The following BIRC7 variants were observed in gnomAD, a reference collection of about 807,000 sequenced individuals.
BIRC7 encodes baculoviral IAP repeat containing 7.
Under a neutral mutation model 33.2 loss-of-function variants are expected in BIRC7, and 26 were observed. The observed-to-expected ratio is 0.78, with a 90% CI of 0.57 to 1.09. The LOEUF is 1.09. BIRC7 is among the 50% of genes least tolerant of loss of function. The probability of loss-of-function intolerance (pLI) is 0.00; values close to 1 mark genes in which losing one functional copy is unlikely to be tolerated. For synonymous variants in BIRC7, 176 were observed against 171.0 expected (o/e 1.03, Z -0.23); for missense variants, 409 against 401.2 (o/e 1.02, Z -0.17).
In BIRC7 at chr20:63,238,389, T is replaced by C. The variant is rs1008135042; in HGVS notation, c.450-7T>C. On this transcript the variant is annotated splice_region_variant and splice_polypyrimidine_tract_variant and intron_variant, in intron 2 of 6. Coordinates refer to ENST00000217169, the MANE Select transcript of BIRC7 (RefSeq NM_139317.3). ...AACCCCAACCTACATCTCTGGGGCA[T>C]CTGCAGCTGTCAGTTCCTGCTCCGG... The C allele has an allele frequency of 1.9e-6, 3 of 1,611,498 alleles. No homozygotes were observed. In the African/African-American group the frequency reaches 4.0e-5, roughly 21 times the overall value.
intron 1 of BIRC7, among the ~76,000 whole-genome samples, chr20:63,236,654 A>T (rs2066691137): frequency 6.6e-6 from 1 of 152,208 alleles, no homozygotes. Context: ...TGAGTGTTTC[A>T]GACCGTGGGA....
intron 4 of BIRC7, 80 bp downstream of exon 4, chr20:63,238,694 C>A (rs979863831): frequency 6.5e-7 from 1 of 1,545,904 alleles, no homozygotes; most frequent in African/African-American, 1.4e-5. Flanking sequence ...TGTCCCCACC[C>A]TCCCAGACAG....
In BIRC7 at chr20:63,238,097, C is replaced by A. The variant is rs530151491; in HGVS notation, c.449+95C>A. The A allele has an allele frequency of 3.4e-5, 41 of 1,212,456 alleles. No individual in the cohort carries two copies. In the East Asian group the frequency reaches 1.0e-3, roughly 29 times the overall value. 75.1% of individuals were successfully genotyped at this position (1,212,456 alleles called of 1,614,324 possible). On this transcript the variant is annotated intron_variant, in intron 2 of 6. Transcript: ENST00000217169. ...ACCCAACACCAGGCCTGCTTTGCCT[C>A]CCTGGCCCCACAGGGCACTGGGGAG...
rs559374097 is a variant in BIRC7, at chr20:63,238,085, C to T, written c.449+83C>T. 7.1e-4 allele frequency: 902 copies of T among 1,273,782 alleles called. 1 individual carries two copies. Among genetic ancestry groups the T allele is most frequent in the Admixed American group, 2.2e-3 (77 of 35,452 alleles). The allele number at this position is 1,273,782 out of a possible 1,614,324, so 78.9% of individuals were successfully genotyped here. ...ACGGCTCTGTCGACCCAACACCAGG[C>T]CTGCTTTGCCTCCCTGGCCCCACAG... On this transcript the variant is annotated intron_variant, in intron 2 of 6. Coordinates refer to ENST00000217169, the MANE Select transcript of BIRC7 (RefSeq NM_139317.3).
At position 63,236,194 on chromosome 20, in the gene BIRC7, G is replaced by A. The variant is rs61737391; in HGVS notation, c.98G>A (p.Arg33His). Residue 33 changes from arginine to histidine, a missense_variant, in exon 1 of 7, where the codon CGC becomes CAC. Transcript: ENST00000217169. ...CCCACGCAGGAGCGCTGTGGACCCC[G>A]CTCTCTGGGCAGCCCTGTCCTAGGC... ...DGPTQERCGP[R>H]SLGSPVLGLD... 1,417 of 1,588,808 alleles carry A rather than the reference G, an allele frequency of 8.9e-4. 7 individuals carry two copies. The African/African-American group carries it at 0.014, about 16-fold the overall frequency.
rs771730459 is a variant in BIRC7, at chr20:63,239,290, C to T, written c.649+57C>T. 37 of 1,607,038 alleles carry T rather than the reference C, an allele frequency of 2.3e-5. 1 individual carries two copies. The South Asian group carries it at 2.4e-4, about 10-fold the overall frequency. On this transcript the variant is annotated intron_variant, in intron 5 of 6. Coordinates refer to ENST00000217169, the MANE Select transcript of BIRC7 (RefSeq NM_139317.3). ...GGGGCAGGGGAGGGCTGAGGGACCC[C>T]GACCTTCCATGGCCCATAGAGGGTG... is the stretch of plus-strand genomic sequence containing the variant.
At chr20:63,238,351 A>G in intron 2 of BIRC7, 45 bp from the exon 3 acceptor site, 1 of 1,605,306 alleles carries the variant, frequency 6.2e-7, no homozygotes, top group Non-Finnish European at 8.5e-7. Context: ...TGAAGCAGAC[A>G]GTGGGGGCCC....
At chr20:63,237,812 C>T (rs1003846298) in intron 1 of BIRC7, 91 bp from the exon 2 acceptor site, 8 of 1,153,902 alleles carry the variant, frequency 6.9e-6, no homozygotes, top group South Asian at 5.4e-5. Context: ...AGCTCCCCTC[C>T]AGCTGAAGCT....
At position 63,238,416 on chromosome 20, in the gene BIRC7, C is replaced by T. The variant is rs768121481; in HGVS notation, c.470C>T (p.Ser157Leu). Reference sequence around the variant, plus strand: ...TGCAGCTGTCAGTTCCTGCTCCGGTCAAAAGGAAGAGACTTTGTCCACAGT... The same window carrying T: ...TGCAGCTGTCAGTTCCTGCTCCGGTTAAAAGGAAGAGACTTTGTCCACAGT... ...WFPSCQFLLR[S>L]KGRDFVHSVQ... Residue 157 changes from serine to leucine, a missense_variant, in exon 3 of 7, where the codon TCA becomes TTA. Transcript: ENST00000217169. The T allele has an allele frequency of 6.2e-7, 1 of 1,612,144 alleles. No individual in the cohort carries two copies. The highest frequency in any genetic ancestry group is 8.5e-7 in the Non-Finnish European group (1 of 1,179,966).
rs1279293963 is a variant in BIRC7 at position 63,236,461 on chromosome 20, G to C, written c.349+16G>C. ...TTCCACACAGGTCAGTCCCGGGCGG[G>C]GGGGCCTTCCTGCCGTGGGCCTGGG... On this transcript the variant is annotated intron_variant, in intron 1 of 6. Coordinates refer to ENST00000217169, the MANE Select transcript of BIRC7 (RefSeq NM_139317.3). 1 of 1,509,340 alleles carries C rather than the reference G, an allele frequency of 6.6e-7. No homozygotes were observed. The highest frequency in any genetic ancestry group is 8.8e-7 in the Non-Finnish European group (1 of 1,132,518). 93.5% of individuals were successfully genotyped at this position (1,509,340 alleles called of 1,614,324 possible).
rs2066729199 is a variant in BIRC7, at chr20:63,240,389, C to G, written c.*139C>G. The G allele has an allele frequency of 6.6e-6, 1 of 152,644 alleles. No homozygotes were observed. The highest frequency in any genetic ancestry group is 6.5e-5 in the Admixed American group (1 of 15,298). The allele number at this position is 152,644 out of a possible 1,614,324, so 9.5% of individuals were successfully genotyped here. A position where few individuals can be genotyped will look rare whatever the true frequency, so the allele number is the denominator to read the frequency against. ...CACTGACCAGCCCTGATTCCCCGAC[C>G]ACCGCCCAGGGTGGAGAAGGAGGCC... On this transcript the variant is annotated 3_prime_UTR_variant, in exon 7 of 7. Coordinates refer to ENST00000217169, the MANE Select transcript of BIRC7 (RefSeq NM_139317.3).
rs1046084929 is a variant in BIRC7, at chr20:63,237,990, A to G, written c.437A>G (p.Lys146Arg). 1 of 1,599,746 alleles carries G rather than the reference A, an allele frequency of 6.3e-7. No individual in the cohort carries two copies. Among genetic ancestry groups the G allele is most frequent in the East Asian group, 2.3e-5 (1 of 44,434 alleles). Residue 146 changes from lysine to arginine, a missense_variant, in exon 2 of 7, where the codon AAG (lysine) becomes AGG (arginine). Coordinates refer to ENST00000217169, the MANE Select transcript of BIRC7 (RefSeq NM_139317.3). ...RGDDPWTEHA[K>R]WFPSCQFLLR... is the part of the protein sequence containing the mutation. ...GACGACCCCTGGACGGAGCATGCCA[A>G]GTGGTTCCCCAGGTACCGGCTGCCC...
chr20:63,236,419 T>TGGCTGCTGCC lies in BIRC7; in HGVS notation c.328_337dup (p.Phe113CysfsTer91). 1.3e-6 allele frequency: 2 copies of TGGCTGCTGCC among 1,546,466 alleles called. No individual in the cohort carries two copies. Among genetic ancestry groups the TGGCTGCTGCC allele is most frequent in the Non-Finnish European group, 1.7e-6 (2 of 1,144,872 alleles). ...ACTGCTGAGGTGCCACCCGAGCTGC[T>TGGCTGCTGCC]GGCTGCTGCCGGCTTCTTCCACACA... On this transcript the variant is annotated frameshift_variant, in exon 1 of 7. Coordinates refer to ENST00000217169, the MANE Select transcript of BIRC7 (RefSeq NM_139317.3). LOFTEE classifies it high-confidence loss of function.
intron 4 of BIRC7, chr20:63,238,835 TC>T: frequency 1.5e-6 from 1 of 666,010 alleles, no homozygotes; most frequent in Non-Finnish European, 2.5e-6. Context: ...TCTGCTTCTC[TC>T]CCAGCTTACC....
rs778137965 is a variant in BIRC7, at chr20:63,236,160, G to A, written c.64G>A (p.Gly22Ser). ...RGPQPSHWAA[G>S]DGPTQERCGP... ...ACCACAGCCGAGCCACTGGGCAGCCGGTGATGGTCCCACGCAGGAGCGCTG... is the reference window on the plus strand; with the variant it reads ...ACCACAGCCGAGCCACTGGGCAGCCAGTGATGGTCCCACGCAGGAGCGCTG... Residue 22 changes from glycine (G) to serine (S), a missense_variant, in exon 1 of 7, where the codon GGT (glycine) becomes AGT (serine). By Grantham distance (56) the Gly-to-Ser change is moderately conservative (BLOSUM62 0). Transcript: ENST00000217169. 3.0e-5 allele frequency: 48 copies of A among 1,592,240 alleles called. No homozygotes were observed. In the Admixed American group the frequency reaches 3.5e-4, roughly 12 times the overall value.
Position 63,239,203 on chromosome 20 carries a change from G to C in BIRC7, c.619G>C (p.Glu207Gln). Residue 207 changes from glutamate to glutamine, a missense_variant, in exon 5 of 7, where the codon GAG becomes CAG. Glu to Gln is a conservative substitution (Grantham distance 29). Coordinates refer to ENST00000217169, the MANE Select transcript of BIRC7 (RefSeq NM_139317.3). ...GYPELPTPRR[E>Q]VQSESAQEPG... ...CCCTGAGCTGCCCACACCCAGGAGA[G>C]AGGTCCAGTCTGAAAGTGCCCAGGA... 6.2e-7 allele frequency: 1 copy of C among 1,612,820 alleles called. No individual in the cohort carries two copies. Among genetic ancestry groups the C allele is most frequent in the South Asian group, 1.1e-5 (1 of 91,062 alleles).
intron 1 of BIRC7, among the ~76,000 whole-genome samples, chr20:63,236,768 CA>C (rs2066691871): frequency 6.6e-6 from 1 of 152,230 alleles, no homozygotes; most frequent in African/African-American, 2.4e-5. Flanking sequence ...GTGGGGCTGA[CA>C]TTGCCTGGGG....
chr20:63,239,281 GA>G, intron 5 of BIRC7, 48 bp downstream of exon 5: 5 of 1,608,778 alleles, frequency 3.1e-6, no homozygotes, highest in Non-Finnish European at 2.5e-6. Flanking sequence ...GGGGAGGGCT[GA>G]GGGACCCCGA....
chr20:63,237,871 T>C (rs6062855), intron 1 of BIRC7, 32 bp from the exon 2 acceptor site: 725,639 of 1,560,352 alleles, frequency 0.47, 170,518 homozygotes, highest in East Asian at 0.54. Context: ...TGGGTGGGAC[T>C]TGGCTGGGGC....
Sources: allele counts gnomAD v4.1 joint callset (sites outside exome capture counted in the v4.1 genomes callset), GRCh38; gene constraint gnomAD v4.1.1; transcripts MANE v1.5; gene names NCBI Gene and HGNC (gene_info 2026-07-23, HGNC 2026-07-21).